Variants in SOS1 observed in about 807,000 individuals in gnomAD.
SOS1 encodes son of sevenless homolog 1.
A neutral mutation model predicts 157.6 loss-of-function variants in SOS1; 25 were observed. That is an observed-to-expected ratio of 0.16 (90% CI 0.12 to 0.22). SOS1 has a LOEUF of 0.22. SOS1 is among the 10% of genes least tolerant of loss of function. SOS1 has a pLI of 1.00. For missense variants in SOS1, 1,237 were observed against 1,599.1 expected, an observed-to-expected ratio of 0.77 and a Z score of 3.86; for synonymous variants, 528 against 534.0, an observed-to-expected ratio of 0.99 and a Z score of 0.16.
chr2:39,099,042 T>C (rs1200571165), intron 1 of SOS1, among the ~76,000 whole-genome samples: 1 of 152,092 alleles, frequency 6.6e-6, no homozygotes, highest in African/African-American at 2.4e-5. Context: ...GTAATACAAA[T>C]GAAAACCACA....
At chr2:39,067,035 T>C (rs553623499) in intron 2 of SOS1, among the ~76,000 whole-genome samples, 1 of 152,230 alleles carries the variant, frequency 6.6e-6, no homozygotes, top group South Asian at 2.1e-4. Flanking sequence ...AATCTGAAAC[T>C]TTTAGCATTT....
At chr2:39,014,066 AC>A in intron 11 of SOS1, 77 bp from the exon 12 acceptor site, 1 of 1,094,136 alleles carries the variant, frequency 9.1e-7, no homozygotes, top group Non-Finnish European at 1.4e-6. Flanking sequence ...AAACGTTTTC[AC>A]CAGTCAGCAA....
chr2:39,114,087 T>C (rs1188395133), intron 1 of SOS1, among the ~76,000 whole-genome samples: 2 of 152,026 alleles, frequency 1.3e-5, no homozygotes, highest in Non-Finnish European at 2.9e-5. Flanking sequence ...CTTTCTTTTC[T>C]TTCTATTTTT....
At chr2:38,994,775 G>C (rs1668839518) in intron 20 of SOS1, among the ~76,000 whole-genome samples, 1 of 152,180 alleles carries the variant, frequency 6.6e-6, no homozygotes, top group African/African-American at 2.4e-5. Flanking sequence ...GGCAGCATTT[G>C]AAACATGGGA....
intron 1 of SOS1, among the ~76,000 whole-genome samples, chr2:39,111,908 T>C (rs368683912): frequency 1.7e-3 from 257 of 152,218 alleles, no homozygotes; most frequent in Non-Finnish European, 3.1e-3. Flanking sequence ...TTTTGTATTT[T>C]TGGTAGAAGT....
intron 1 of SOS1, among the ~76,000 whole-genome samples, chr2:39,118,991 C>A (rs1192290148): frequency 1.3e-5 from 2 of 152,142 alleles, no homozygotes; most frequent in Non-Finnish European, 2.9e-5. Context: ...TTTGGCAATG[C>A]TTTATGAGTT....
intron 1 of SOS1, among the ~76,000 whole-genome samples, chr2:39,097,757 G>A (rs1461690809): frequency 6.6e-6 from 1 of 152,008 alleles, no homozygotes; most frequent in Admixed American, 6.6e-5. Context: ...TAGGGATGGA[G>A]TTTCACCATG....
intron 17 of SOS1, among the ~76,000 whole-genome samples, chr2:39,005,127 T>A (rs1487930034): frequency 6.6e-6 from 1 of 152,150 alleles, no homozygotes; most frequent in African/African-American, 2.4e-5. Context: ...TACACATACA[T>A]ACATACGTAT....
At chr2:39,050,286 C>T (rs1223536606) in intron 6 of SOS1, among the ~76,000 whole-genome samples, 1 of 152,118 alleles carries the variant, frequency 6.6e-6, no homozygotes, top group East Asian at 1.9e-4. Flanking sequence ...GTTATTTTAG[C>T]ATTTGAAATA....
At chr2:38,991,371 A>G (rs912310409) in intron 20 of SOS1, among the ~76,000 whole-genome samples, 1 of 152,192 alleles carries the variant, frequency 6.6e-6, no homozygotes. Context: ...CTTGTAATAC[A>G]TTCTTTTTGT....
chr2:39,064,841 C>T (rs902471661), intron 2 of SOS1, among the ~76,000 whole-genome samples: 2 of 148,378 alleles, frequency 1.3e-5, no homozygotes, highest in African/African-American at 2.5e-5. Context: ...TTCTGCCTCC[C>T]GGGTTCAAGT....
At chr2:39,055,563 T>C (rs1671185762) in intron 4 of SOS1, among the ~76,000 whole-genome samples, 1 of 152,152 alleles carries the variant, frequency 6.6e-6, no homozygotes, top group African/African-American at 2.4e-5. Context: ...ACCCAAACAT[T>C]TGAAATTCTT....
chr2:39,101,659 A>C (rs1008328710), intron 1 of SOS1, among the ~76,000 whole-genome samples: 33 of 152,054 alleles, frequency 2.2e-4, no homozygotes, highest in South Asian at 8.3e-4. Context: ...TTAAAAAAAA[A>C]CAGAAAACAA....
At chr2:38,989,341 A>AT (rs754057668) in intron 20 of SOS1, 27 bp from the exon 21 acceptor site, 62 of 1,547,718 alleles carry the variant, frequency 4.0e-5, no homozygotes, top group Non-Finnish European at 5.1e-5. Context: ...GAAAAAGTAG[A>AT]TTTTTTTCTT....
intron 20 of SOS1, among the ~76,000 whole-genome samples, chr2:38,994,577 G>T (rs1245881647): frequency 6.6e-6 from 1 of 152,174 alleles, no homozygotes; most frequent in Non-Finnish European, 1.5e-5. Flanking sequence ...GACCAAAAGT[G>T]TTCTGGACTT....
intron 1 of SOS1, among the ~76,000 whole-genome samples, chr2:39,114,293 CTTTTCTTTTTTTT>C (rs1462487641): frequency 2.0e-5 from 3 of 150,304 alleles, no homozygotes; most frequent in African/African-American, 7.3e-5. Context: ...TCTTTTTGTT[CTTTTCTTTTTTTT>C]TTTTCTTTTT....
chr2:39,089,801 A>G (rs1572884758), intron 1 of SOS1, among the ~76,000 whole-genome samples: 1 of 151,786 alleles, frequency 6.6e-6, no homozygotes, highest in Non-Finnish European at 1.5e-5. Context: ...CTGAGATCTG[A>G]ATCTCACTCT....
Position 39,120,506 on chromosome 2 carries a change from G to A in SOS1, c.-84C>T. On this transcript the variant is annotated 5_prime_UTR_variant, in exon 1 of 23. Transcript: ENST00000402219. ...CGCGAGAGGGCGAGCTCGCAGCGCGGAACAGGGCCGCGGCCCCACCGGACG... is the reference window on the plus strand; with the variant it reads ...CGCGAGAGGGCGAGCTCGCAGCGCGAAACAGGGCCGCGGCCCCACCGGACG... The A allele has an allele frequency of 2.4e-6, 3 of 1,228,944 alleles. No homozygotes were observed. The highest frequency in any genetic ancestry group is 2.0e-6 in the Non-Finnish European group (2 of 983,754). The allele number at this position is 1,228,944 out of a possible 1,614,324, so 76.1% of individuals were successfully genotyped here.
intron 8 of SOS1, among the ~76,000 whole-genome samples, chr2:39,034,397 T>C (rs1318990589): frequency 6.6e-6 from 1 of 152,204 alleles, no homozygotes; most frequent in Non-Finnish European, 1.5e-5. Flanking sequence ...ATATTCTCTG[T>C]GAAAGAATCA....
Sources: allele counts gnomAD v4.1 joint callset (sites outside exome capture counted in the v4.1 genomes callset), GRCh38; gene constraint gnomAD v4.1.1; transcripts MANE v1.5; gene names NCBI Gene and HGNC (gene_info 2026-07-23, HGNC 2026-07-21).